PDE1A: variants seen among roughly 807,000 people sequenced by gnomAD.
PDE1A encodes the protein dual specificity calcium/calmodulin-dependent 3',5'-cyclic nucleotide phosphodiesterase 1A.
In PDE1A, 35 loss-of-function variants were observed where a neutral mutation model predicts 61.7. The observed-to-expected ratio is 0.57, with a 90% CI of 0.43 to 0.75. The LOEUF is 0.75. Among genes scored for constraint, PDE1A ranks in the 30% least tolerant of loss-of-function variants. The pLI, the probability that PDE1A is intolerant of heterozygous loss-of-function variation, is 0.00. For missense variants in PDE1A, 597 were observed against 630.6 expected (o/e 0.95, Z 0.57); for synonymous variants, 232 against 213.2 (o/e 1.09, Z -0.77).
At chr2:182,147,600 G>A (rs1690563108) in intron 13 of PDE1A, among the ~76,000 whole-genome samples, 2 of 152,044 alleles carry the variant, frequency 1.3e-5, no homozygotes, top group Admixed American at 1.3e-4. Flanking sequence ...CACCTGTCAA[G>A]ACAAACTAGT....
the PDE1A span, among the ~76,000 whole-genome samples, chr2:182,666,305 T>C: frequency 6.6e-6 from 1 of 152,170 alleles, no homozygotes; most frequent in Admixed American, 6.5e-5. Flanking sequence ...AATTAAAGAT[T>C]ACTACATGTT....
chr2:182,424,385 T>C (rs1703474639), intron 1 of PDE1A, among the ~76,000 whole-genome samples: 1 of 152,186 alleles, frequency 6.6e-6, no homozygotes, highest in South Asian at 2.1e-4. Context: ...GTCAAGTGGA[T>C]TGAGATCCAG....
chr2:182,607,170 TGATCTGGTAAGTTTCA>T, the PDE1A span, among the ~76,000 whole-genome samples: 1 of 152,192 alleles, frequency 6.6e-6, no homozygotes, highest in South Asian at 2.1e-4. Flanking sequence ...CCAGATGTGG[TGATCTGGTAAGTTTCA>T]GTTCCTTGAT....
intron 2 of PDE1A, among the ~76,000 whole-genome samples, chr2:182,447,388 C>T (rs957748225): frequency 1.3e-5 from 2 of 152,044 alleles, no homozygotes; most frequent in Admixed American, 1.3e-4. Context: ...CCCATTCTTG[C>T]CAAATTCTGA....
chr2:182,555,686 C>T, the PDE1A span, among the ~76,000 whole-genome samples: 1 of 152,002 alleles, frequency 6.6e-6, no homozygotes, highest in South Asian at 2.1e-4. Flanking sequence ...TCATTGTTGG[C>T]TGGGCGTGGT....
intron 1 of PDE1A, among the ~76,000 whole-genome samples, chr2:182,300,639 A>G (rs1695179269): frequency 6.6e-6 from 1 of 152,148 alleles, no homozygotes; most frequent in Admixed American, 6.5e-5. Flanking sequence ...GACTAAAGAT[A>G]ACAATGTCTA....
At chr2:182,330,146 C>A (rs764634515) in intron 1 of PDE1A, among the ~76,000 whole-genome samples, 1 of 152,008 alleles carries the variant, frequency 6.6e-6, no homozygotes, top group African/African-American at 2.4e-5. Context: ...GAGTTCAAGA[C>A]CAGCCTGGCC....
intron 13 of PDE1A, among the ~76,000 whole-genome samples, chr2:182,158,604 T>C (rs1401878660): frequency 6.6e-6 from 1 of 152,192 alleles, no homozygotes; most frequent in East Asian, 1.9e-4. Flanking sequence ...GAGTTGATAT[T>C]AACTTGACTG....
At chr2:182,403,233 T>C (rs1702105869) in intron 1 of PDE1A, among the ~76,000 whole-genome samples, 1 of 152,210 alleles carries the variant, frequency 6.6e-6, no homozygotes, top group Non-Finnish European at 1.5e-5. Flanking sequence ...CATATATTTA[T>C]TGCGGCACTG....
At chr2:182,221,674 A>T (rs1231319359) in intron 7 of PDE1A, among the ~76,000 whole-genome samples, 1 of 151,920 alleles carries the variant, frequency 6.6e-6, no homozygotes, top group African/African-American at 2.4e-5. Flanking sequence ...CTCTGTCTCC[A>T]TCAAGGGGCT....
At chr2:182,666,022 C>T in the PDE1A span, among the ~76,000 whole-genome samples, 4 of 152,144 alleles carry the variant, frequency 2.6e-5, no homozygotes, top group Admixed American at 6.5e-5. Flanking sequence ...ACAATAAGAA[C>T]GCATGGACAC....
At chr2:182,184,276 C>T (rs1004306593) in intron 13 of PDE1A, among the ~76,000 whole-genome samples, 1 of 150,758 alleles carries the variant, frequency 6.6e-6, no homozygotes, top group East Asian at 1.9e-4. Context: ...AAAAAAAGAC[C>T]TAGATATATC....
intron 13 of PDE1A, among the ~76,000 whole-genome samples, chr2:182,162,702 G>A (rs942823758): frequency 7.2e-5 from 11 of 152,150 alleles, no homozygotes; most frequent in Non-Finnish European, 1.5e-4. Context: ...ACTGGCCACT[G>A]GCTCTGAACT....
chr2:182,451,334 C>G (rs1559475604), intron 2 of PDE1A, among the ~76,000 whole-genome samples: 1 of 17,042 alleles, frequency 5.9e-5, no homozygotes, highest in Non-Finnish European at 1.2e-4. Context: ...AGCCGAGATC[C>G]CGCCACTGCA....
At chr2:182,162,530 C>T (rs1303559935) in intron 13 of PDE1A, among the ~76,000 whole-genome samples, 1 of 152,176 alleles carries the variant, frequency 6.6e-6, no homozygotes, top group East Asian at 1.9e-4. Context: ...AGCCAGTTTA[C>T]AGACCCAGAG....
chr2:182,264,093 T>C (rs1691837879), intron 2 of PDE1A, among the ~76,000 whole-genome samples: 1 of 152,148 alleles, frequency 6.6e-6, no homozygotes, highest in Non-Finnish European at 1.5e-5. Flanking sequence ...CATTCAAACA[T>C]TTGGATTAAA....
At chr2:182,616,511 T>A in the PDE1A span, among the ~76,000 whole-genome samples, 2 of 152,340 alleles carry the variant, frequency 1.3e-5, no homozygotes, top group Admixed American at 1.3e-4. Flanking sequence ...CATGCCTGTC[T>A]GCATACCTCA....
chr2:182,416,525 C>T (rs549134152), intron 1 of PDE1A, among the ~76,000 whole-genome samples: 2 of 152,110 alleles, frequency 1.3e-5, no homozygotes, highest in Non-Finnish European at 2.9e-5. Context: ...ATTAACTATT[C>T]CTTCAACTAG....
chr2:182,654,502 TTAAC>T, the PDE1A span, among the ~76,000 whole-genome samples: 1 of 152,188 alleles, frequency 6.6e-6, no homozygotes, highest in African/African-American at 2.4e-5. Context: ...AGGTGTCACT[TTAAC>T]TAGGGATCAT....
Sources: gnomAD v4.1 joint callset for allele counts (sites outside exome capture counted in the v4.1 genomes callset) on GRCh38, gnomAD v4.1.1 for gene constraint, MANE v1.5 for transcripts, NCBI Gene and HGNC (gene_info 2026-07-23, HGNC 2026-07-21) for gene names.